Variants in BLVRB observed in about 807,000 individuals in gnomAD.
The protein encoded by BLVRB is biliverdin reductase B.
BLVRB carries 25 observed loss-of-function variants against 21.1 expected under a neutral mutation model. That is an observed-to-expected ratio of 1.19 (90% confidence interval 0.86 to 1.66). The LOEUF is 1.66. BLVRB is among the 40% of genes most tolerant of loss of function. The pLI is 0.00. For synonymous variants in BLVRB, 128 were observed against 122.2 expected, an observed-to-expected ratio of 1.05 and a Z score of -0.31; for missense variants, 274 against 282.7, an observed-to-expected ratio of 0.97 and a Z score of 0.22.
chr19:40,452,542 A>G (rs779438968), intron 3 of BLVRB, among the ~76,000 whole-genome samples: 5 of 150,830 alleles, frequency 3.3e-5, no homozygotes, highest in Non-Finnish European at 5.9e-5. Flanking sequence ...GTGCAATGGC[A>G]TGATACCGGC....
At chr19:40,454,113 G>T (rs1303704668) in intron 3 of BLVRB, among the ~76,000 whole-genome samples, 2 of 152,296 alleles carry the variant, frequency 1.3e-5, no homozygotes, top group South Asian at 2.1e-4. Flanking sequence ...AGATGGGCAT[G>T]GTGGCACATG....
Position 40,465,650 on chromosome 19 carries a change from G to A in BLVRB, c.39C>T (p.Gly13=). 1 of 1,612,790 alleles carries A rather than the reference G, an allele frequency of 6.2e-7. No homozygotes were observed. The highest frequency in any genetic ancestry group is 1.1e-5 in the South Asian group (1 of 91,024). The change falls in exon 1 of 5, where the codon GGC becomes GGT. Residue 13 remains glycine (G), a synonymous_variant. Transcript: ENST00000263368. ...GCGCCAGGGTGGTGAGCCCGGTCTG[G>A]CCAGTGGCGCCGAAGATCGCGATCT... is the stretch of plus-strand genomic sequence containing the variant. ...VKKIAIFGAT[G]QTGLTTLAQA...
chr19:40,461,277 C>T (rs2079786407), intron 1 of BLVRB, among the ~76,000 whole-genome samples: 1 of 152,176 alleles, frequency 6.6e-6, no homozygotes, highest in Non-Finnish European at 1.5e-5. Flanking sequence ...TCCCTGGGCT[C>T]CTGGACCCAG....
intron 1 of BLVRB, among the ~76,000 whole-genome samples, chr19:40,459,184 C>T (rs2145781608): frequency 6.6e-6 from 1 of 150,580 alleles, no homozygotes; most frequent in East Asian, 2.0e-4. Context: ...ACAAAATTAG[C>T]CAGGCATGGT....
At chr19:40,454,811 C>G (rs1359762453) in intron 3 of BLVRB, among the ~76,000 whole-genome samples, 1 of 152,146 alleles carries the variant, frequency 6.6e-6, no homozygotes, top group Non-Finnish European at 1.5e-5. Context: ...TCCCAAAGTG[C>G]TGGGATTACA....
chr19:40,459,731 C>T (rs1053569403), intron 1 of BLVRB, among the ~76,000 whole-genome samples: 8 of 152,146 alleles, frequency 5.3e-5, no homozygotes, highest in African/African-American at 9.7e-5. Context: ...CCACCACATC[C>T]AACTAATTTT....
intron 1 of BLVRB, among the ~76,000 whole-genome samples, chr19:40,465,005 C>T (rs942620593): frequency 2.6e-5 from 4 of 152,118 alleles, no homozygotes; most frequent in African/African-American, 7.2e-5. Context: ...CTGCTGTCCC[C>T]AAGTCTTCAC....
At chr19:40,450,862 CT>C (rs1374967361) in intron 4 of BLVRB, among the ~76,000 whole-genome samples, 1 of 151,430 alleles carries the variant, frequency 6.6e-6, no homozygotes, top group African/African-American at 2.4e-5. Flanking sequence ...ATCTATCTAT[CT>C]ATCTATCTAT....
intron 4 of BLVRB, among the ~76,000 whole-genome samples, chr19:40,450,892 A>C (rs922364857): frequency 8.1e-5 from 12 of 148,828 alleles, no homozygotes; most frequent in Non-Finnish European, 1.6e-4. Context: ...CTATCTATCT[A>C]ATCTCTATCT....
At chr19:40,462,784 T>C (rs916937075) in intron 1 of BLVRB, among the ~76,000 whole-genome samples, 5 of 148,598 alleles carry the variant, frequency 3.4e-5, no homozygotes, top group East Asian at 2.0e-4. Context: ...TCCCAGCTAC[T>C]TGGGAGGCTG....
At chr19:40,456,423 T>TC (rs1042817521) in intron 3 of BLVRB, among the ~76,000 whole-genome samples, 10 of 147,800 alleles carry the variant, frequency 6.8e-5, no homozygotes, top group African/African-American at 2.3e-4. Flanking sequence ...ACCTTGTCTC[T>TC]ATGTTTGTTT....
At chr19:40,448,608 AATATATATATATATATATATAT>A (rs55783717) in intron 4 of BLVRB, among the ~76,000 whole-genome samples, 136 of 126,382 alleles carry the variant, frequency 1.1e-3, no homozygotes, top group Middle Eastern at 4.5e-3. Flanking sequence ...AACAACAACA[AATATATATATATATATATATAT>A]ATATATATAT....
At chr19:40,463,510 G>C (rs1386786698) in intron 1 of BLVRB, among the ~76,000 whole-genome samples, 2 of 151,642 alleles carry the variant, frequency 1.3e-5, no homozygotes, top group Admixed American at 1.3e-4. Flanking sequence ...GTGAACTCCA[G>C]TTAATCCAAG....
At chr19:40,456,071 C>T (rs2079761026) in intron 3 of BLVRB, among the ~76,000 whole-genome samples, 1 of 152,066 alleles carries the variant, frequency 6.6e-6, no homozygotes, top group Non-Finnish European at 1.5e-5. Context: ...CGACTATTAA[C>T]TTTTCTGTTT....
Position 40,458,204 on chromosome 19 carries a change from C to G in BLVRB, c.285G>C (p.Val95=), listed in dbSNP as rs1473528249. 4 of 1,613,854 alleles carry G rather than the reference C, an allele frequency of 2.5e-6. No homozygotes were observed. In the African/African-American group the frequency reaches 5.3e-5, roughly 22 times the overall value. The stretch of plus-strand genomic sequence containing the variant: ...CCACACCATGAGCCTTCATGGCTGC[C>G]ACAATGTTCCGGGCGCCCTCGGACA... The part of the protein sequence containing the change: ...TVMSEGARNI[V]AAMKAHGVDK... The change falls in exon 3 of 5, where the codon GTG becomes GTC. Residue 95 remains valine (V), a synonymous_variant. Coordinates refer to ENST00000263368, the MANE Select transcript of BLVRB (RefSeq NM_000713.3).
chr19:40,453,311 CA>C (rs1406832356), intron 3 of BLVRB, among the ~76,000 whole-genome samples: 2 of 152,052 alleles, frequency 1.3e-5, no homozygotes, highest in Admixed American at 6.6e-5. Flanking sequence ...TTTAAAATTG[CA>C]AAATCCTGTC....
chr19:40,448,012 G>T lies in BLVRB; in HGVS notation c.498C>A (p.Thr166=), dbSNP rs141407327. 32 of 1,613,910 alleles carry T rather than the reference G, an allele frequency of 2.0e-5. No individual in the cohort carries two copies. The highest frequency in any genetic ancestry group is 2.5e-5 in the Non-Finnish European group (29 of 1,180,012). ...CCCTTGAGGGCCCTCGTCCATCCAG[G>T]GTCACTGTGTACGCCCCAGTTAGTG... ...DQPLTGAYTV[T]LDGRGPSRVI... Residue 166 remains threonine (T), a synonymous_variant, in exon 5 of 5, where the codon ACC becomes ACA. Transcript: ENST00000263368.
chr19:40,447,834 C>G lies in BLVRB; in HGVS notation c.*55G>C. 6.3e-7 allele frequency: 1 copy of G among 1,578,190 alleles called. No homozygotes were observed. The highest frequency in any genetic ancestry group is 8.7e-7 in the Non-Finnish European group (1 of 1,152,798). The stretch of plus-strand genomic sequence containing the variant: ...GCTCTTGGCTCAACATTTATTGCCC[C>G]CTTCCTTTGCTCCTCATGTCCCAGA... On this transcript the variant is annotated 3_prime_UTR_variant, in exon 5 of 5. Coordinates refer to ENST00000263368, the MANE Select transcript of BLVRB (RefSeq NM_000713.3).
chr19:40,461,248 T>C (rs958892521), intron 1 of BLVRB, among the ~76,000 whole-genome samples: 1 of 152,174 alleles, frequency 6.6e-6, no homozygotes, highest in Non-Finnish European at 1.5e-5. Flanking sequence ...GTCTCCTTCC[T>C]GGTCCCTTTC....
Sources: allele counts gnomAD v4.1 joint callset (sites outside exome capture counted in the v4.1 genomes callset), GRCh38; gene constraint gnomAD v4.1.1; transcripts MANE v1.5; gene names NCBI Gene and HGNC (gene_info 2026-07-23, HGNC 2026-07-21).